Variants in ARL13B observed in about 807,000 individuals in gnomAD.
ARL13B encodes ADP-ribosylation factor-like protein 13B.
Under a neutral mutation model 56.1 loss-of-function variants are expected in ARL13B, and 36 were observed. The ratio of observed to expected loss-of-function variants is 0.64; its 90% CI spans 0.49 to 0.85. ARL13B has a LOEUF of 0.85. Among genes scored for constraint, ARL13B ranks in the 40% least tolerant of loss-of-function variants. ARL13B has a pLI of 0.00. For missense variants in ARL13B, 519 were observed against 507.1 expected, an observed-to-expected ratio of 1.02 and a Z score of -0.23; for synonymous variants, 178 against 171.1, an observed-to-expected ratio of 1.04 and a Z score of -0.32.
At chr3:94,001,570 C>G (rs1339750781) in intron 2 of ARL13B, among the ~76,000 whole-genome samples, 1 of 152,084 alleles carries the variant, frequency 6.6e-6, no homozygotes, top group African/African-American at 2.4e-5. Context: ...TTCCTACACA[C>G]TATCGTCTCT....
chr3:93,995,481 C>G (rs1411720307), intron 1 of ARL13B, among the ~76,000 whole-genome samples: 1 of 152,022 alleles, frequency 6.6e-6, no homozygotes, highest in Non-Finnish European at 1.5e-5. Flanking sequence ...CAGTTATGTA[C>G]TTTCATAAGA....
At chr3:93,993,732 CAA>C (rs2107372037) in intron 1 of ARL13B, among the ~76,000 whole-genome samples, 1 of 152,230 alleles carries the variant, frequency 6.6e-6, no homozygotes, top group Admixed American at 6.5e-5. Flanking sequence ...ATTCTTAAAA[CAA>C]AATAATAAAA....
intron 1 of ARL13B, among the ~76,000 whole-genome samples, chr3:93,985,776 G>A (rs1710433930): frequency 6.6e-6 from 1 of 152,016 alleles, no homozygotes; most frequent in Non-Finnish European, 1.5e-5. Context: ...ACCTTTAATT[G>A]GAACTGATTT....
chr3:94,045,525 A>G (rs1239819807), intron 7 of ARL13B, among the ~76,000 whole-genome samples: 1 of 152,058 alleles, frequency 6.6e-6, no homozygotes, highest in Non-Finnish European at 1.5e-5. Flanking sequence ...ATTTAAGGCA[A>G]TTCCAAACAA....
rs188709967 is a variant in ARL13B, at chr3:94,035,097, C to T, written c.381-234C>T. The stretch of plus-strand genomic sequence containing the variant: ...CTGAAAATACAAAAAATTAGCCTCG[C>T]GTGGTGGCACACAACTGTAGTCCCA... On this transcript the variant is annotated intron_variant, in intron 3 of 9. Coordinates refer to ENST00000394222, the MANE Select transcript of ARL13B (RefSeq NM_001174150.2). Among the ~76,000 whole-genome samples the T allele has an allele frequency of 4.2e-3, 643 of 152,130 alleles. 6 individuals carry two copies. The highest frequency in any genetic ancestry group is 0.014 in the African/African-American group (599 of 41,484).
intron 3 of ARL13B, among the ~76,000 whole-genome samples, chr3:94,019,009 G>A (rs1299778932): frequency 2.0e-5 from 3 of 152,210 alleles, no homozygotes; most frequent in African/African-American, 7.2e-5. Context: ...CAGGCGATCC[G>A]CCCTCTTCGG....
At position 94,055,559 on chromosome 3, in the gene ARL13B, ATG is replaced by A. The variant is rs1453603461; in HGVS notation, c.*2298_*2299del. On this transcript the variant is annotated 3_prime_UTR_variant, in exon 10 of 10. Transcript: ENST00000394222. ...GCGTTAAAGCTGTTGGTCAACAGATATGTTTTTATGTATTTAAAAGAGGCTCT... is the reference window on the plus strand; with the variant it reads ...GCGTTAAAGCTGTTGGTCAACAGATATTTTTATGTATTTAAAAGAGGCTCT... The A allele has an allele frequency of 2.2e-6, 1 of 453,848 alleles. No homozygotes were observed. The highest frequency in any genetic ancestry group is 2.0e-5 in the African/African-American group (1 of 49,998). The allele number at this position is 453,848 out of a possible 1,614,324, so 28.1% of individuals were successfully genotyped here. A position where few individuals can be genotyped will look rare whatever the true frequency, so the allele number is the denominator to read the frequency against.
At chr3:94,014,379 G>A (rs770904885) in intron 3 of ARL13B, 13 of 1,513,776 alleles carry the variant, frequency 8.6e-6, no homozygotes, top group Non-Finnish European at 1.1e-5. Context: ...TTTTAAAATA[G>A]CTTCTTTATT....
rs1465198740 is a variant in ARL13B at position 94,000,016 on chromosome 3, G to GT, written c.131-3642dup. The stretch of plus-strand genomic sequence containing the variant: ...TGTGCATTTCAGCTAGAAGGAAGAG[G>GT]TAAAGGGTAAGGGGAGGCCATCCTC... On this transcript the variant is annotated intron_variant, in intron 2 of 9. Transcript: ENST00000394222. Among the ~76,000 whole-genome samples, 7 of 152,302 alleles carry GT rather than the reference G, an allele frequency of 4.6e-5. No homozygotes were observed. The Middle Eastern group carries it at 0.02, about 444-fold the overall frequency.
intron 3 of ARL13B, among the ~76,000 whole-genome samples, chr3:94,008,662 C>T (rs1408589972): frequency 1.3e-5 from 2 of 152,012 alleles, no homozygotes; most frequent in East Asian, 1.9e-4. Flanking sequence ...CGCTAGTACC[C>T]GTGGAGTCTT....
chr3:94,047,505 T>A (rs1215474250), intron 7 of ARL13B, among the ~76,000 whole-genome samples: 1 of 152,130 alleles, frequency 6.6e-6, no homozygotes, highest in Non-Finnish European at 1.5e-5. Flanking sequence ...TAATAATAAC[T>A]AACATTATAT....
intron 2 of ARL13B, among the ~76,000 whole-genome samples, chr3:94,001,955 G>A (rs554053965): frequency 6.6e-6 from 1 of 152,078 alleles, no homozygotes; most frequent in Admixed American, 6.5e-5. Flanking sequence ...TCTTTTTCTA[G>A]GTAATGAAAG....
At chr3:94,041,956 C>G (rs1409134484) in intron 6 of ARL13B, among the ~76,000 whole-genome samples, 1 of 152,096 alleles carries the variant, frequency 6.6e-6, no homozygotes, top group Non-Finnish European at 1.5e-5. Flanking sequence ...ACTCCGGAGG[C>G]TGAGGCAGAG....
chr3:94,054,619 C>A lies in ARL13B; in HGVS notation c.*1356C>A. The stretch of plus-strand genomic sequence containing the variant: ...TGATAACATTAAGTACATTTTATGT[C>A]GTTTAATATAATTATTTACTTTAAA... On this transcript the variant is annotated 3_prime_UTR_variant, in exon 10 of 10. Transcript: ENST00000394222. 1 of 370,806 alleles carries A rather than the reference C, an allele frequency of 2.7e-6. No homozygotes were observed. Among genetic ancestry groups the A allele is most frequent in the South Asian group, 2.0e-5 (1 of 48,884 alleles). 23.0% of individuals were successfully genotyped at this position (370,806 alleles called of 1,614,324 possible).
intron 7 of ARL13B, chr3:94,048,261 C>T (rs970486874): frequency 6.6e-6 from 1 of 152,234 alleles, no homozygotes; most frequent in Non-Finnish European, 1.5e-5. Context: ...ACACAAGAAT[C>T]ACTTGAACCT....
At chr3:94,015,389 T>C in intron 3 of ARL13B, 1 of 778,110 alleles carries the variant, frequency 1.3e-6, no homozygotes. Context: ...TTCTCCTAGT[T>C]TTCTCAAATG....
intron 3 of ARL13B, among the ~76,000 whole-genome samples, chr3:94,020,636 T>G: frequency 6.6e-6 from 1 of 152,130 alleles, no homozygotes; most frequent in Non-Finnish European, 1.5e-5. Context: ...CAGGAAAAGG[T>G]GTTTTATAGA....
chr3:94,022,180 A>G (rs751636218), intron 3 of ARL13B, among the ~76,000 whole-genome samples: 1 of 151,908 alleles, frequency 6.6e-6, no homozygotes, highest in African/African-American at 2.4e-5. Context: ...CTGGAGTGCA[A>G]TGGTGTGATC....
intron 3 of ARL13B, among the ~76,000 whole-genome samples, chr3:94,032,552 A>C (rs528137202): frequency 5.2e-4 from 79 of 151,572 alleles, no homozygotes; most frequent in African/African-American, 1.9e-3. Flanking sequence ...GCTGAAGTGT[A>C]GTGGCGCGAT....
Sources: allele counts gnomAD v4.1 joint callset (sites outside exome capture counted in the v4.1 genomes callset), GRCh38; gene constraint gnomAD v4.1.1; transcripts MANE v1.5; gene names NCBI Gene and HGNC (gene_info 2026-07-23, HGNC 2026-07-21).